The following ZRANB3 variants were observed in gnomAD, a reference collection of about 807,000 sequenced individuals.
ZRANB3 encodes zinc finger RANBP2-type containing 3.
Under a neutral mutation model 133.8 loss-of-function variants are expected in ZRANB3, and 125 were observed. The observed-to-expected ratio is 0.93, with a 90% CI of 0.81 to 1.08. The LOEUF (loss-of-function observed/expected upper bound fraction) is 1.08, where lower values mean the gene tolerates loss of function less well. ZRANB3 is among the 50% of genes least tolerant of loss of function. The pLI, the probability that ZRANB3 is intolerant of heterozygous loss-of-function variation, is 0.00. For synonymous variants in ZRANB3, 387 were observed against 432.7 expected (o/e 0.89, Z 1.31); for missense variants, 1,229 against 1,275.5 (o/e 0.96, Z 0.56).
chr2:135,233,081 T>G (rs950298639), intron 12 of ZRANB3, among the ~76,000 whole-genome samples: 2 of 152,042 alleles, frequency 1.3e-5, no homozygotes, highest in Non-Finnish European at 2.9e-5. Flanking sequence ...GAATACCCGA[T>G]GCAGAGAAGT....
chr2:135,436,976 T>C (rs1051708310), intron 2 of ZRANB3, among the ~76,000 whole-genome samples: 1 of 152,248 alleles, frequency 6.6e-6, no homozygotes, highest in Non-Finnish European at 1.5e-5. Flanking sequence ...TATTCTTTTT[T>C]TGAGACGGAG....
chr2:135,362,139 A>G (rs546111951), intron 3 of ZRANB3, among the ~76,000 whole-genome samples: 2 of 151,308 alleles, frequency 1.3e-5, no homozygotes, highest in Non-Finnish European at 2.9e-5. Flanking sequence ...CGGAGCTTGC[A>G]GTGAGCTGAG....
chr2:135,204,632 C>A (rs1693774300), intron 19 of ZRANB3, among the ~76,000 whole-genome samples: 2 of 126,700 alleles, frequency 1.6e-5, no homozygotes, highest in Admixed American at 8.4e-5. Context: ...GATCCCAGAC[C>A]CAATCTCAAA....
At chr2:135,262,597 C>T (rs545662865) in intron 12 of ZRANB3, among the ~76,000 whole-genome samples, 9 of 151,320 alleles carry the variant, frequency 5.9e-5, no homozygotes, top group Non-Finnish European at 1.2e-4. Context: ...GCCTGAGCCA[C>T]GTAGTGAGAC....
intron 6 of ZRANB3, among the ~76,000 whole-genome samples, chr2:135,343,278 A>G (rs1263543004): frequency 6.7e-6 from 1 of 149,082 alleles, no homozygotes; most frequent in Non-Finnish European, 1.5e-5. Flanking sequence ...TCTCTTTGTC[A>G]TTATTAATAT....
chr2:135,307,275 A>T (rs924352426), intron 8 of ZRANB3, among the ~76,000 whole-genome samples: 1 of 152,120 alleles, frequency 6.6e-6, no homozygotes, highest in Non-Finnish European at 1.5e-5. Flanking sequence ...CTTGTTGCTC[A>T]GGCTGGTCTT....
rs1694662196 is a variant in ZRANB3, at chr2:135,224,115, C to T, written c.2250+311G>A. 3.3e-5 allele frequency among the ~76,000 whole-genome samples: 5 copies of T among 152,112 alleles called. No homozygotes were observed. In the South Asian group the frequency reaches 1.0e-3, roughly 32 times the overall value. On this transcript the variant is annotated intron_variant, in intron 15 of 20. Coordinates refer to ENST00000264159, the MANE Select transcript of ZRANB3 (RefSeq NM_032143.4). The stretch of plus-strand genomic sequence containing the variant: ...ACTGGCATACAATGTGTAATAATCA[C>T]ATCAGGGTAAATGGGGTATACCACA...
At chr2:135,287,217 T>A (rs1681420169) in intron 8 of ZRANB3, among the ~76,000 whole-genome samples, 1 of 152,238 alleles carries the variant, frequency 6.6e-6, no homozygotes, top group African/African-American at 2.4e-5. Context: ...TTGTTGAAGA[T>A]CAGTTGGCTG....
chr2:135,438,072 A>G (rs75933554), intron 2 of ZRANB3, among the ~76,000 whole-genome samples: 1,565 of 152,234 alleles, frequency 0.01, 25 homozygotes, highest in African/African-American at 0.036. Flanking sequence ...ACTAAATATC[A>G]CCACCAATTT....
chr2:135,203,385 C>T (rs1337820253), intron 19 of ZRANB3, among the ~76,000 whole-genome samples: 1 of 151,906 alleles, frequency 6.6e-6, no homozygotes, highest in East Asian at 1.9e-4. Context: ...TTTGGGAGGC[C>T]AGGGCAGGCG....
intron 2 of ZRANB3, among the ~76,000 whole-genome samples, chr2:135,445,196 C>T (rs772464732): frequency 1.2e-4 from 18 of 152,130 alleles, no homozygotes; most frequent in Admixed American, 2.6e-4. Context: ...GTAATTCCAG[C>T]ATTTTGGGAG....
chr2:135,289,442 G>A (rs537041558), intron 8 of ZRANB3, among the ~76,000 whole-genome samples: 3 of 152,184 alleles, frequency 2.0e-5, no homozygotes, highest in Admixed American at 6.5e-5. Context: ...TTTTAGTAGC[G>A]ACGGGGTTTC....
At chr2:135,428,662 AAAAC>A (rs200835343) in intron 2 of ZRANB3, among the ~76,000 whole-genome samples, 1,571 of 152,324 alleles carry the variant, frequency 0.01, 25 homozygotes, top group African/African-American at 0.036. Flanking sequence ...TAACAAGCAA[AAAAC>A]AAACAACTGT....
chr2:135,340,203 T>A (rs1445531187), intron 6 of ZRANB3, among the ~76,000 whole-genome samples: 4 of 151,476 alleles, frequency 2.6e-5, no homozygotes, highest in Non-Finnish European at 5.9e-5. Context: ...CCTCCTCAGT[T>A]CTAGTGATTC....
chr2:135,512,492 T>C (rs1693509432), intron 1 of ZRANB3, among the ~76,000 whole-genome samples: 1 of 151,552 alleles, frequency 6.6e-6, no homozygotes, highest in Non-Finnish European at 1.5e-5. Context: ...AAAGAATTAG[T>C]AAATTAGAAA....
chr2:135,467,168 T>G (rs1691035823), intron 2 of ZRANB3, among the ~76,000 whole-genome samples: 1 of 152,120 alleles, frequency 6.6e-6, no homozygotes, highest in African/African-American at 2.4e-5. Flanking sequence ...GACCCAGGCT[T>G]GAGTGGCTTT....
chr2:135,280,303 C>T (rs776650197), intron 8 of ZRANB3, among the ~76,000 whole-genome samples: 1 of 152,182 alleles, frequency 6.6e-6, no homozygotes, highest in Admixed American at 6.6e-5. Context: ...CGTGGGGGCT[C>T]ATGCCTGTAA....
At chr2:135,498,050 CTAAAAAA>C (rs1692759841) in intron 2 of ZRANB3, among the ~76,000 whole-genome samples, 3 of 149,708 alleles carry the variant, frequency 2.0e-5, no homozygotes, top group African/African-American at 7.5e-5. Context: ...GACTCTGTCT[CTAAAAAA>C]TAATAAATAA....
intron 2 of ZRANB3, among the ~76,000 whole-genome samples, chr2:135,475,665 C>G (rs1439210577): frequency 6.6e-6 from 1 of 152,126 alleles, no homozygotes; most frequent in East Asian, 1.9e-4. Context: ...TCCAGAAAGG[C>G]CAAGTTTTAA....
Sources: gnomAD v4.1 joint callset for allele counts (sites outside exome capture counted in the v4.1 genomes callset) on GRCh38, gnomAD v4.1.1 for gene constraint, MANE v1.5 for transcripts, NCBI Gene and HGNC (gene_info 2026-07-23, HGNC 2026-07-21) for gene names.